Variants in IL19 observed in about 807,000 individuals in gnomAD.
IL19 encodes the protein interleukin-19.
In IL19, 15 loss-of-function variants were observed where a neutral mutation model predicts 19.5. The ratio of observed to expected loss-of-function variants is 0.77; its 90% confidence interval spans 0.52 to 1.19. The LOEUF is 1.19. Among genes scored for constraint, IL19 ranks in the 50% most tolerant of loss-of-function variants. The pLI is 0.00. For missense variants in IL19, 199 were observed against 213.1 expected, an observed-to-expected ratio of 0.93 and a Z score of 0.41; for synonymous variants, 78 against 78.3, an observed-to-expected ratio of 1.00 and a Z score of 0.02.
chr1:206,836,264 C>T (rs549664509), intron 2 of IL19, among the ~76,000 whole-genome samples: 15 of 152,216 alleles, frequency 9.9e-5, no homozygotes, highest in Non-Finnish European at 7.4e-5. Context: ...CATCTGTTGC[C>T]GAATTCCTAG....
chr1:206,837,108 C>T (rs1428627051), intron 4 of IL19, 85 bp downstream of exon 4: 2 of 1,096,112 alleles, frequency 1.8e-6, no homozygotes, highest in Non-Finnish European at 2.7e-6. Flanking sequence ...CTACCTTGTC[C>T]CCTTCTCTTT....
intron 6 of IL19, among the ~76,000 whole-genome samples, chr1:206,842,162 G>A (rs1186236505): frequency 6.6e-6 from 1 of 152,118 alleles, no homozygotes; most frequent in South Asian, 2.1e-4. Flanking sequence ...GGACAAAGAT[G>A]TTCTGGGATA....
At chr1:206,808,844 G>T (rs1675926216) in intron 2 of IL19, among the ~76,000 whole-genome samples, 1 of 152,176 alleles carries the variant, frequency 6.6e-6, no homozygotes, top group Admixed American at 6.5e-5. Context: ...CAACAAAGAA[G>T]GTGAGAGACA....
chr1:206,780,644 C>T (rs1230726704), intron 1 of IL19, among the ~76,000 whole-genome samples: 4 of 152,190 alleles, frequency 2.6e-5, no homozygotes, highest in South Asian at 2.1e-4. Context: ...ATCAAATTCA[C>T]GTGTCTTCTT....
chr1:206,817,349 C>G (rs1676182998), intron 2 of IL19, among the ~76,000 whole-genome samples: 1 of 152,198 alleles, frequency 6.6e-6, no homozygotes, highest in Admixed American at 6.5e-5. Flanking sequence ...GAAGCCAGCA[C>G]AGGGAGACAG....
At chr1:206,830,561 T>C (rs1676567425) in intron 2 of IL19, among the ~76,000 whole-genome samples, 2 of 129,920 alleles carry the variant, frequency 1.5e-5, no homozygotes, top group South Asian at 5.3e-4. Flanking sequence ...AAAATACCCA[T>C]CCATCATTAT....
intron 4 of IL19, among the ~76,000 whole-genome samples, chr1:206,837,580 G>T (rs1189511373): frequency 4.6e-5 from 7 of 152,224 alleles, no homozygotes; most frequent in African/African-American, 1.7e-4. Context: ...TGGGTGCAGT[G>T]GCTTATGCCT....
intron 2 of IL19, among the ~76,000 whole-genome samples, chr1:206,818,601 G>C (rs1310344613): frequency 6.6e-6 from 1 of 152,244 alleles, no homozygotes; most frequent in South Asian, 2.1e-4. Context: ...GAAACTGCTG[G>C]GGCTACTGAG....
At chr1:206,825,619 C>T (rs974285741) in intron 2 of IL19, among the ~76,000 whole-genome samples, 1 of 152,150 alleles carries the variant, frequency 6.6e-6, no homozygotes, top group Non-Finnish European at 1.5e-5. Flanking sequence ...TGGGCCTGAC[C>T]TTTCTGATTT....
intron 1 of IL19, among the ~76,000 whole-genome samples, chr1:206,780,169 C>G (rs1675098248): frequency 1.3e-5 from 2 of 152,204 alleles, no homozygotes; most frequent in Non-Finnish European, 2.9e-5. Context: ...GCTCCCACCC[C>G]TCTGTAGTAT....
At chr1:206,789,208 G>T (rs537928491) in intron 1 of IL19, among the ~76,000 whole-genome samples, 2 of 152,180 alleles carry the variant, frequency 1.3e-5, no homozygotes, top group South Asian at 4.1e-4. Flanking sequence ...AGTACAGTAC[G>T]AGAGATCTTT....
intron 1 of IL19, among the ~76,000 whole-genome samples, chr1:206,782,404 A>AGAAT (rs955864750): frequency 7.3e-5 from 10 of 137,166 alleles, no homozygotes; most frequent in Admixed American, 1.6e-4. Context: ...CCACCCTTAG[A>AGAAT]GAATGAATGC....
At chr1:206,790,606 G>A (rs1675376428) in intron 1 of IL19, among the ~76,000 whole-genome samples, 1 of 152,208 alleles carries the variant, frequency 6.6e-6, no homozygotes, top group Admixed American at 6.5e-5. Flanking sequence ...CGGCTACTGT[G>A]ATTTGGTTGT....
At chr1:206,790,138 A>T (rs1160868635) in intron 1 of IL19, among the ~76,000 whole-genome samples, 1 of 152,176 alleles carries the variant, frequency 6.6e-6, no homozygotes, top group African/African-American at 2.4e-5. Flanking sequence ...GGTTGTACTA[A>T]TATACATTCC....
At chr1:206,781,921 TTATATATACA>T (rs1675147765) in intron 1 of IL19, among the ~76,000 whole-genome samples, 3 of 110,498 alleles carry the variant, frequency 2.7e-5, no homozygotes, top group Non-Finnish European at 5.7e-5. Flanking sequence ...ATGTATATAG[TTATATATACA>T]TATATATGTA....
chr1:206,829,452 G>A (rs1344302765), intron 2 of IL19, among the ~76,000 whole-genome samples: 3 of 152,136 alleles, frequency 2.0e-5, no homozygotes, highest in African/African-American at 2.4e-5. Flanking sequence ...TTGAACGTTA[G>A]GTTGGTGTTT....
chr1:206,776,552 C>A (rs960136987), intron 1 of IL19, among the ~76,000 whole-genome samples: 1 of 152,052 alleles, frequency 6.6e-6, no homozygotes, highest in Non-Finnish European at 1.5e-5. Context: ...ACCTCCCCAA[C>A]AGCACTTGGG....
intron 2 of IL19, chr1:206,833,638 A>G: frequency 2.0e-6 from 2 of 983,760 alleles, no homozygotes; most frequent in Non-Finnish European, 2.4e-6. Context: ...TTAGTTAGAG[A>G]GTCTTCTAGC....
chr1:206,803,785 C>T (rs542449916), intron 2 of IL19, among the ~76,000 whole-genome samples: 66 of 152,300 alleles, frequency 4.3e-4, no homozygotes, highest in Non-Finnish European at 7.5e-4. Flanking sequence ...TTCAAACTGA[C>T]TGCACTTCAA....
Sources: gnomAD v4.1 joint callset for allele counts (sites outside exome capture counted in the v4.1 genomes callset) on GRCh38, gnomAD v4.1.1 for gene constraint, MANE v1.5 for transcripts, NCBI Gene and HGNC (gene_info 2026-07-23, HGNC 2026-07-21) for gene names.